Variants in ARHGAP10 observed in about 807,000 individuals in gnomAD.
ARHGAP10 encodes Rho GTPase activating protein 10.
In ARHGAP10, 87 loss-of-function variants were observed where a neutral mutation model predicts 108.6. The observed-to-expected ratio is 0.80, with a 90% CI of 0.67 to 0.96. The LOEUF is 0.96. Among genes scored for constraint, ARHGAP10 ranks in the 40% least tolerant of loss-of-function variants. The pLI is 0.00. For missense variants in ARHGAP10, 939 were observed against 954.5 expected (o/e 0.98, Z 0.21); for synonymous variants, 347 against 341.1 (o/e 1.02, Z -0.19).
chr4:147,887,888 T>C (rs904786591), intron 10 of ARHGAP10, among the ~76,000 whole-genome samples: 1 of 151,056 alleles, frequency 6.6e-6, no homozygotes, highest in African/African-American at 2.4e-5. Context: ...TTTTTTTTCC[T>C]ATTTCTTCCC....
intron 13 of ARHGAP10, among the ~76,000 whole-genome samples, chr4:147,916,105 C>T (rs1167120962): frequency 6.6e-6 from 1 of 152,146 alleles, no homozygotes; most frequent in Non-Finnish European, 1.5e-5. Flanking sequence ...GCATTAATAA[C>T]TATTGTACAC....
chr4:147,851,739 A>G (rs1733883631), intron 4 of ARHGAP10, among the ~76,000 whole-genome samples: 1 of 152,200 alleles, frequency 6.6e-6, no homozygotes, highest in Non-Finnish European at 1.5e-5. Flanking sequence ...AGGAATTACA[A>G]CACTGGCCAG....
intron 19 of ARHGAP10, among the ~76,000 whole-genome samples, chr4:148,043,755 T>C (rs1191363498): frequency 7.0e-6 from 1 of 142,784 alleles, no homozygotes; most frequent in African/African-American, 2.6e-5. Context: ...TGTATATATG[T>C]ATATATATGT....
In ARHGAP10 at chr4:147,853,159, C is replaced by T. The variant is rs148786381; in HGVS notation, c.385-4394C>T. Among the ~76,000 whole-genome samples, 156 of 152,298 alleles carry T rather than the reference C, an allele frequency of 1.0e-3. 2 individuals carry two copies. The highest frequency in any genetic ancestry group is 2.1e-3 in the South Asian group (10 of 4,830). ...CTTGGACAGGGCATGATCCCACACT[C>T]GCTCACACAGTACTATTTAGACATG... is the stretch of plus-strand genomic sequence containing the variant. On this transcript the variant is annotated intron_variant, in intron 4 of 22. Coordinates refer to ENST00000336498, the MANE Select transcript of ARHGAP10 (RefSeq NM_024605.4).
chr4:148,059,193 A>AGT (rs1005646787), intron 20 of ARHGAP10, among the ~76,000 whole-genome samples: 2 of 152,228 alleles, frequency 1.3e-5, no homozygotes, highest in Admixed American at 1.3e-4. Context: ...TTTGCAGTGT[A>AGT]GTGTGTTAAG....
chr4:147,811,784 C>T (rs550624140), intron 1 of ARHGAP10, among the ~76,000 whole-genome samples: 1 of 152,282 alleles, frequency 6.6e-6, no homozygotes, highest in East Asian at 1.9e-4. Context: ...GTGCAATTAA[C>T]AAGAGTGAGC....
chr4:147,891,427 ATGAT>A (rs1735791406), intron 10 of ARHGAP10, among the ~76,000 whole-genome samples: 1 of 152,236 alleles, frequency 6.6e-6, no homozygotes, highest in African/African-American at 2.4e-5. Flanking sequence ...GAGTAAATGA[ATGAT>A]TTTCTAGGTC....
rs151238872 is a variant in ARHGAP10, at chr4:147,861,280, G to T, written c.487-3566G>T. ...AGGCTGTGGCTGGACCAGGCATACT[G>T]CAGGTCGCTTCCATTGTGGGCACTG... On this transcript the variant is annotated intron_variant, in intron 5 of 22. Transcript: ENST00000336498. The T allele has an allele frequency of 2.6e-5, 4 of 152,560 alleles. 1 individual carries two copies. In the East Asian group the frequency reaches 7.7e-4, roughly 29 times the overall value. The allele number at this position is 152,560 out of a possible 1,614,324, so 9.5% of individuals were successfully genotyped here.
At chr4:147,954,286 G>A (rs1056688444) in intron 15 of ARHGAP10, among the ~76,000 whole-genome samples, 3 of 151,984 alleles carry the variant, frequency 2.0e-5, no homozygotes, top group Non-Finnish European at 4.4e-5. Context: ...CTGAAACAGA[G>A]AGGTGTTTAA....
intron 18 of ARHGAP10, among the ~76,000 whole-genome samples, chr4:147,995,480 CAT>C (rs909135001): frequency 2.6e-5 from 4 of 152,180 alleles, no homozygotes; most frequent in Non-Finnish European, 4.4e-5. Context: ...GAGCTTGCCA[CAT>C]GTTACCGTAT....
intron 1 of ARHGAP10, among the ~76,000 whole-genome samples, chr4:147,797,402 A>T (rs1266178401): frequency 6.6e-6 from 1 of 151,410 alleles, no homozygotes; most frequent in East Asian, 1.9e-4. Flanking sequence ...GGTCCAACGT[A>T]CCCTCCCCAC....
chr4:147,913,140 G>A lies in ARHGAP10; in HGVS notation c.1228+1G>A, dbSNP rs747270220. Reference sequence around the variant, plus strand: ...TGCATCAGTGCCGTTGAAACACGAGGTAATATGATTGAATCATTTCATTCA... The same window carrying A: ...TGCATCAGTGCCGTTGAAACACGAGATAATATGATTGAATCATTTCATTCA... On this transcript the variant is annotated splice_donor_variant, in intron 13 of 22. Coordinates refer to ENST00000336498, the MANE Select transcript of ARHGAP10 (RefSeq NM_024605.4). LOFTEE classifies it high-confidence loss of function. The A allele has an allele frequency of 6.2e-7, 1 of 1,612,880 alleles. No individual in the cohort carries two copies. The highest frequency in any genetic ancestry group is 8.5e-7 in the Non-Finnish European group (1 of 1,178,986).
chr4:148,002,811 T>G (rs1415478377), intron 18 of ARHGAP10, among the ~76,000 whole-genome samples: 1 of 152,222 alleles, frequency 6.6e-6, no homozygotes, highest in Non-Finnish European at 1.5e-5. Context: ...TCTTTTCTTC[T>G]TTATTAGTCT....
At chr4:148,022,539 A>G (rs942581605) in intron 18 of ARHGAP10, among the ~76,000 whole-genome samples, 1 of 152,220 alleles carries the variant, frequency 6.6e-6, no homozygotes, top group African/African-American at 2.4e-5. Context: ...TCTGTGTGAT[A>G]TGCTTTCTTT....
At chr4:147,957,507 G>C (rs1488976368) in intron 16 of ARHGAP10, among the ~76,000 whole-genome samples, 1 of 152,188 alleles carries the variant, frequency 6.6e-6, no homozygotes, top group African/African-American at 2.4e-5. Flanking sequence ...TCCGTGAACA[G>C]TGACACAGCT....
At chr4:147,838,469 C>G (rs2126806707) in intron 3 of ARHGAP10, among the ~76,000 whole-genome samples, 1 of 30,040 alleles carries the variant, frequency 3.3e-5, no homozygotes, top group South Asian at 1.8e-3. Context: ...AGACCCTTGT[C>G]TCTTAAAAAA....
chr4:147,971,050 GCCACTGCACACC>G (rs1739386614), intron 18 of ARHGAP10, among the ~76,000 whole-genome samples: 4 of 140,446 alleles, frequency 2.8e-5, no homozygotes, highest in African/African-American at 5.4e-5. Flanking sequence ...CTGAGATTGC[GCCACTGCACACC>G]AGCCTGGGTG....
rs149308358 is a variant in ARHGAP10, at chr4:148,046,998, C to G, written c.1974C>G (p.Asp658Glu). 62 of 1,614,066 alleles carry G rather than the reference C, an allele frequency of 3.8e-5. No homozygotes were observed. In the African/African-American group the frequency reaches 7.9e-4, roughly 20 times the overall value. The stretch of plus-strand genomic sequence containing the variant: ...CTGTCCCTGGGCCTCCTGGACCAGA[C>G]AAAAACCACCTTCTGGCAGATGGAG... ...TTAVPGPPGP[D>E]KNHLLADGGS... Residue 658 changes from aspartate (D) to glutamate (E), a missense_variant, in exon 20 of 23, where the codon GAC becomes GAG. Coordinates refer to ENST00000336498, the MANE Select transcript of ARHGAP10 (RefSeq NM_024605.4).
At chr4:147,977,404 T>C (rs1480513088) in intron 18 of ARHGAP10, among the ~76,000 whole-genome samples, 1 of 152,172 alleles carries the variant, frequency 6.6e-6, no homozygotes, top group Non-Finnish European at 1.5e-5. Flanking sequence ...TAGTGCTCAC[T>C]ATGTATTTTT....
Sources: allele counts gnomAD v4.1 joint callset (sites outside exome capture counted in the v4.1 genomes callset), GRCh38; gene constraint gnomAD v4.1.1; transcripts MANE v1.5; gene names NCBI Gene and HGNC (gene_info 2026-07-23, HGNC 2026-07-21).